Variants in POU5F1B observed in about 807,000 individuals in gnomAD.
POU5F1B encodes POU domain, class 5, transcription factor 1B.
POU5F1B carries 24 observed loss-of-function variants against 28.1 expected under a neutral mutation model. The ratio of observed to expected loss-of-function variants is 0.85; its 90% CI spans 0.62 to 1.20. POU5F1B has a LOEUF of 1.20. Ranked by LOEUF, POU5F1B falls within the 50% of genes most tolerant of loss-of-function variation. The pLI is 0.00. For synonymous variants in POU5F1B, 220 were observed against 193.2 expected (o/e 1.14, Z -1.15); for missense variants, 451 against 451.5 (o/e 1.00, Z 0.01).
chr8:127,415,430 C>T lies in POU5F1B; in HGVS notation c.-424-13C>T, dbSNP rs1328036045. On this transcript the variant is annotated splice_polypyrimidine_tract_variant and intron_variant, in intron 2 of 2. Coordinates refer to ENST00000465342, the Ensembl canonical transcript of POU5F1B. ...GGTTGTTAATGGTAGAACCGTTTCC[C>T]CACAATCTGCAGGAAATAAGAATCA... The T allele has an allele frequency of 5.6e-5, 9 of 159,632 alleles. No individual in the cohort carries two copies. In the East Asian group the frequency reaches 1.6e-3, roughly 29 times the overall value. The allele number at this position is 159,632 out of a possible 1,614,324, so 9.9% of individuals were successfully genotyped here. A position where few individuals can be genotyped will look rare whatever the true frequency, so the allele number is the denominator to read the frequency against.
rs1284482976 is a variant in POU5F1B, at chr8:127,416,823, T to G, written c.957T>G (p.Phe319Leu). 8 of 1,605,032 alleles carry G rather than the reference T, an allele frequency of 5.0e-6. No individual in the cohort carries two copies. The East Asian group carries it at 1.6e-4, about 31-fold the overall frequency. ...TTCCTCCGGCCCCAGGGCCCCATTT[T>G]GGTACCCCAGGCTATGGGAGCCCTC... Residue 319 changes from phenylalanine to leucine, a missense_variant, in exon 3 of 3, where the codon TTT (phenylalanine) becomes TTG (leucine). Phe to Leu is a conservative substitution (Grantham distance 22). Around this residue, in one of 3 missense-constraint regions of POU5F1B, gnomAD observed 213 missense variants for 220.4 expected, o/e 0.97. Coordinates refer to ENST00000465342, the Ensembl canonical transcript of POU5F1B.
chr8:127,417,194 T>TAAAA (rs71303488), exon 3 of POU5F1B: 51,977 of 239,696 alleles, frequency 0.22, 6,183 homozygotes, highest in Admixed American at 0.3. Flanking sequence ...TGGGACACAG[T>TAAAA]AAAAAAAAAA....
chr8:127,417,209 A>AG, exon 3 of POU5F1B: 1 of 296,032 alleles, frequency 3.4e-6, no homozygotes, highest in East Asian at 5.1e-5. Context: ...AAAAAAAAAA[A>AG]AGAAAGAAAA....
At chr8:127,413,465 C>A (rs2046108630) in intron 1 of POU5F1B, among the ~76,000 whole-genome samples, 1 of 152,212 alleles carries the variant, frequency 6.6e-6, no homozygotes, top group African/African-American at 2.4e-5. Context: ...ACCTCATTAT[C>A]TATCCCAGTG....
chr8:127,416,567 G>A (rs1368515805), exon 3 of POU5F1B: 2 of 1,606,086 alleles, frequency 1.2e-6, no homozygotes, highest in Non-Finnish European at 1.7e-6. Context: ...AAGAGAAAGC[G>A]AACCAGTATC....
chr8:127,415,710 C>A, exon 3 of POU5F1B: 1 of 1,248,188 alleles, frequency 8.0e-7, no homozygotes, highest in Non-Finnish European at 1.1e-6. Flanking sequence ...TGAAGAGTTC[C>A]TAACACATTC....
At chr8:127,416,931 C>A (rs1247281391) in exon 3 of POU5F1B, 1 of 1,601,240 alleles carries the variant, frequency 6.2e-7, no homozygotes, top group Non-Finnish European at 8.5e-7. Context: ...TGGGCTCTCC[C>A]ATGCATTCAA....
At chr8:127,416,376 C>T (rs1356124343) in exon 3 of POU5F1B, 2 of 1,609,854 alleles carry the variant, frequency 1.2e-6, no homozygotes, top group South Asian at 1.1e-5. Context: ...TGGGGCTCAT[C>T]CTGGGGGTTC....
chr8:127,413,495 A>T (rs1815090074), intron 1 of POU5F1B, among the ~76,000 whole-genome samples: 1 of 152,192 alleles, frequency 6.6e-6, no homozygotes, highest in Admixed American at 6.5e-5. Context: ...TGATATCCCT[A>T]GAAATTATTA....
chr8:127,417,211 G>GAGAAAGA (rs1815162168), exon 3 of POU5F1B: 1 of 291,048 alleles, frequency 3.4e-6, no homozygotes, highest in Non-Finnish European at 6.4e-6. Flanking sequence ...AAAAAAAAAA[G>GAGAAAGA]AAAGAAAAGA....
chr8:127,415,719 TCA>T, exon 3 of POU5F1B: 2 of 1,297,390 alleles, frequency 1.5e-6, no homozygotes, highest in African/African-American at 3.0e-5. Context: ...CCTAACACAT[TCA>T]GTCAACATTT....
chr8:127,417,008 G>A (rs1489517123), exon 3 of POU5F1B: 1 of 1,559,436 alleles, frequency 6.4e-7, no homozygotes. Context: ...AGAGAACCTG[G>A]AGTTTGTGGC....
Position 127,415,933 on chromosome 8 carries a change from T to TG in POU5F1B, c.73dup (p.Ala25GlyfsTer7), listed in dbSNP as rs1246229629. On this transcript the variant is annotated frameshift_variant, in exon 3 of 3. Coordinates refer to ENST00000465342, the Ensembl canonical transcript of POU5F1B. LOFTEE classifies it high-confidence loss of function. ...TCCAGGCGGTGGGGGTGATGGGCCA[T>TG]GGGGGGCGGAGCCGGGCTGGGTTGA... 3.9e-6 allele frequency: 6 copies of TG among 1,557,866 alleles called. No homozygotes were observed. The highest frequency in any genetic ancestry group is 2.4e-5 in the South Asian group (2 of 84,496).
At chr8:127,416,099 C>T (rs1815131485) in exon 3 of POU5F1B, 1 of 1,613,110 alleles carries the variant, frequency 6.2e-7, no homozygotes, top group Non-Finnish European at 8.5e-7. Flanking sequence ...TACTGTGGGC[C>T]TCAGGTTGGA....
exon 3 of POU5F1B, chr8:127,417,194 T>TAAAAAAAAAAAAAAAAAAAAAAA (rs71303488): frequency 1.3e-5 from 3 of 223,376 alleles, no homozygotes; most frequent in African/African-American, 3.1e-5. Context: ...TGGGACACAG[T>TAAAAAAAAAAAAAAAAAAAAAAA]AAAAAAAAAA....
chr8:127,413,602 A>G (rs1815091351), intron 1 of POU5F1B, among the ~76,000 whole-genome samples: 1 of 152,204 alleles, frequency 6.6e-6, no homozygotes, highest in Admixed American at 6.5e-5. Flanking sequence ...AGGTCACAAA[A>G]TCTAGCCTGT....
At chr8:127,416,682 G>C in exon 3 of POU5F1B, 1 of 1,607,768 alleles carries the variant, frequency 6.2e-7, no homozygotes. Flanking sequence ...AGAAGGATGT[G>C]GTCCGAGTGT....
chr8:127,413,894 T>C lies in POU5F1B; in HGVS notation c.-559-994T>C, dbSNP rs550504491. Among the ~76,000 whole-genome samples the C allele has an allele frequency of 4.7e-5, 7 of 150,338 alleles. No homozygotes were observed. In the South Asian group the frequency reaches 8.4e-4, roughly 18 times the overall value. On this transcript the variant is annotated intron_variant, in intron 1 of 2. Coordinates refer to ENST00000465342, the Ensembl canonical transcript of POU5F1B. ...CACACACACACAACACCCGATATAATACAATATTTTCAAATGACACTAGAA... is the reference window on the plus strand; with the variant it reads ...CACACACACACAACACCCGATATAACACAATATTTTCAAATGACACTAGAA...
chr8:127,414,069 G>A (rs1815097263), intron 1 of POU5F1B, among the ~76,000 whole-genome samples: 2 of 152,150 alleles, frequency 1.3e-5, no homozygotes, highest in Admixed American at 6.5e-5. Context: ...CTGAGAAAGG[G>A]GACTTAAGGT....
Sources: allele counts gnomAD v4.1 joint callset (sites outside exome capture counted in the v4.1 genomes callset), GRCh38; gene constraint gnomAD v4.1.1; regional missense constraint gnomAD v4.1.1; transcripts MANE v1.5; gene names NCBI Gene and HGNC (gene_info 2026-07-23, HGNC 2026-07-21).